CCSER1: variants seen among roughly 807,000 people sequenced by gnomAD.
CCSER1 encodes coiled-coil serine rich protein 1, also known as serine-rich coiled-coil domain-containing protein 1.
A neutral mutation model predicts 82.0 loss-of-function variants in CCSER1; 41 were observed. The ratio of observed to expected loss-of-function variants is 0.50; its 90% CI spans 0.39 to 0.65. The LOEUF (loss-of-function observed/expected upper bound fraction) is 0.65, where lower values mean the gene tolerates loss of function less well. Among genes scored for constraint, CCSER1 ranks in the 30% least tolerant of loss-of-function variants. The pLI is 0.00. For synonymous variants in CCSER1, 414 were observed against 383.9 expected (o/e 1.08, Z -0.92); for missense variants, 1,119 against 1,064.2 (o/e 1.05, Z -0.72).
At chr4:90,315,813 CACTT>C (rs1283858808) in intron 3 of CCSER1, among the ~76,000 whole-genome samples, 1 of 152,090 alleles carries the variant, frequency 6.6e-6, no homozygotes, top group African/African-American at 2.4e-5. Context: ...AGTTACTTCA[CACTT>C]AATTAATTAA....
intron 10 of CCSER1, among the ~76,000 whole-genome samples, chr4:91,555,501 T>G (rs1320069863): frequency 6.6e-6 from 1 of 151,122 alleles, no homozygotes; most frequent in East Asian, 1.9e-4. Context: ...ATTAGTTGTA[T>G]TAATTATGGT....
chr4:90,185,916 CT>C (rs1379901150), intron 1 of CCSER1, among the ~76,000 whole-genome samples: 1 of 151,968 alleles, frequency 6.6e-6, no homozygotes, highest in Non-Finnish European at 1.5e-5. Context: ...TAACATGGTA[CT>C]TTTTTGATGG....
chr4:91,258,575 AAGTT>A (rs1227362343), intron 10 of CCSER1, among the ~76,000 whole-genome samples: 1 of 152,096 alleles, frequency 6.6e-6, no homozygotes, highest in African/African-American at 2.4e-5. Flanking sequence ...GACACAAACT[AAGTT>A]TTATTATCTT....
intron 1 of CCSER1, among the ~76,000 whole-genome samples, chr4:90,231,422 C>G (rs1467212560): frequency 6.6e-6 from 1 of 150,808 alleles, no homozygotes; most frequent in Non-Finnish European, 1.5e-5. Flanking sequence ...AATTCAACAA[C>G]CCTTCATGCT....
chr4:90,797,647 A>C (rs948327403), intron 7 of CCSER1, among the ~76,000 whole-genome samples: 2 of 152,104 alleles, frequency 1.3e-5, no homozygotes, highest in African/African-American at 2.4e-5. Flanking sequence ...TTCCTTCAGG[A>C]GCTCTTGTAA....
chr4:90,422,493 G>A (rs561121447), intron 4 of CCSER1, among the ~76,000 whole-genome samples: 1 of 152,214 alleles, frequency 6.6e-6, no homozygotes, highest in South Asian at 2.1e-4. Context: ...CAGTTGGGAG[G>A]CTGGGGTGGG....
At chr4:91,326,483 C>G (rs1267355613) in intron 10 of CCSER1, among the ~76,000 whole-genome samples, 1 of 152,160 alleles carries the variant, frequency 6.6e-6, no homozygotes, top group African/African-American at 2.4e-5. Flanking sequence ...TCACCTCCCA[C>G]CAGGCCCTAC....
At chr4:90,350,477 A>G (rs75473097) in intron 3 of CCSER1, among the ~76,000 whole-genome samples, 2 of 152,152 alleles carry the variant, frequency 1.3e-5, no homozygotes, top group Non-Finnish European at 2.9e-5. Flanking sequence ...GGAAGAGGTA[A>G]GATTGTTATT....
At chr4:90,987,868 C>A (rs1436360022) in intron 9 of CCSER1, among the ~76,000 whole-genome samples, 2 of 151,704 alleles carry the variant, frequency 1.3e-5, no homozygotes, top group Non-Finnish European at 2.9e-5. Context: ...AATTTATTGA[C>A]ATAAACCCTA....
intron 9 of CCSER1, among the ~76,000 whole-genome samples, chr4:91,045,804 G>A (rs984930434): frequency 1.3e-5 from 2 of 152,024 alleles, no homozygotes; most frequent in South Asian, 2.1e-4. Context: ...ATGCATCCGT[G>A]TGAAGAGACC....
chr4:90,977,376 G>C (rs551426450), intron 9 of CCSER1, among the ~76,000 whole-genome samples: 1 of 150,706 alleles, frequency 6.6e-6, no homozygotes, highest in African/African-American at 2.4e-5. Flanking sequence ...ATATACATAC[G>C]TATATATATA....
intron 5 of CCSER1, among the ~76,000 whole-genome samples, chr4:90,589,273 C>A (rs1307108958): frequency 6.6e-6 from 1 of 151,892 alleles, no homozygotes; most frequent in Non-Finnish European, 1.5e-5. Flanking sequence ...TTTTCTATCA[C>A]ATGTTGAAAA....
chr4:90,624,285 G>C (rs967992366), intron 5 of CCSER1, among the ~76,000 whole-genome samples: 1 of 152,086 alleles, frequency 6.6e-6, no homozygotes. Context: ...ACATGATCTT[G>C]TATTTTGATA....
chr4:90,633,273 T>C (rs1436313909), intron 6 of CCSER1, among the ~76,000 whole-genome samples: 1 of 152,102 alleles, frequency 6.6e-6, no homozygotes, highest in Non-Finnish European at 1.5e-5. Context: ...GAGTGCTTGA[T>C]GGAATGAGGA....
intron 5 of CCSER1, among the ~76,000 whole-genome samples, chr4:90,492,199 G>A (rs1301642854): frequency 1.3e-5 from 2 of 152,118 alleles, no homozygotes; most frequent in African/African-American, 4.8e-5. Context: ...TTCAGAGCCT[G>A]TTATTGGTCT....
intron 1 of CCSER1, among the ~76,000 whole-genome samples, chr4:90,261,569 A>G (rs950670704): frequency 2.0e-5 from 3 of 152,150 alleles, no homozygotes; most frequent in Non-Finnish European, 2.9e-5. Context: ...CCTGATGACT[A>G]TGTACCTTGG....
intron 10 of CCSER1, among the ~76,000 whole-genome samples, chr4:91,095,072 G>A (rs1472835421): frequency 6.6e-6 from 1 of 152,088 alleles, no homozygotes; most frequent in Non-Finnish European, 1.5e-5. Context: ...GGGCCACTGG[G>A]GTGGTTACTA....
At chr4:91,518,222 T>C (rs955131085) in intron 10 of CCSER1, among the ~76,000 whole-genome samples, 1 of 152,146 alleles carries the variant, frequency 6.6e-6, no homozygotes, top group African/African-American at 2.4e-5. Flanking sequence ...TCAAGAGATT[T>C]TCACTTGTCT....
intron 1 of CCSER1, among the ~76,000 whole-genome samples, chr4:90,279,534 T>C (rs1022651501): frequency 1.3e-5 from 2 of 152,170 alleles, no homozygotes; most frequent in South Asian, 4.1e-4. Flanking sequence ...ATGAAAGATT[T>C]AGTGTACTAC....
Sources: gnomAD v4.1 joint callset for allele counts (sites outside exome capture counted in the v4.1 genomes callset) on GRCh38, gnomAD v4.1.1 for gene constraint, MANE v1.5 for transcripts, NCBI Gene and HGNC (gene_info 2026-07-23, HGNC 2026-07-21) for gene names.